Variants in CTSC observed in about 807,000 individuals in gnomAD.
CTSC encodes the protein dipeptidyl peptidase 1.
In CTSC, 37 loss-of-function variants were observed where a neutral mutation model predicts 40.9. The ratio of observed to expected loss-of-function variants is 0.91; its 90% CI spans 0.70 to 1.19. The LOEUF is 1.19. Among genes scored for constraint, CTSC ranks in the 50% most tolerant of loss-of-function variants. CTSC has a pLI of 0.00. For missense variants in CTSC, 594 were observed against 567.3 expected (o/e 1.05, Z -0.48); for synonymous variants, 232 against 207.4 (o/e 1.12, Z -1.02).
chr11:88,325,726 A>G, intron 2 of CTSC: 1 of 985,416 alleles, frequency 1.0e-6, no homozygotes, highest in East Asian at 1.1e-4. Flanking sequence ...GGTGTTTACG[A>G]TACCATCTTT....
chr11:88,336,238 TAAAAAAAAAAAA>T (rs3079112), intron 1 of CTSC, among the ~76,000 whole-genome samples: 1 of 127,194 alleles, frequency 7.9e-6, no homozygotes, highest in African/African-American at 3.0e-5. Flanking sequence ...AACTCAAATT[TAAAAAAAAAAAA>T]AAAAAAAAGG....
At chr11:88,326,436 T>C (rs145385300) in intron 2 of CTSC, 3 of 1,610,926 alleles carry the variant, frequency 1.9e-6, no homozygotes, top group East Asian at 2.2e-5. Context: ...AGATGCTCTA[T>C]TTAATAACTA....
intron 4 of CTSC, 147 bp downstream of exon 4, chr11:88,309,016 G>A: frequency 2.8e-6 from 2 of 707,620 alleles, no homozygotes; most frequent in South Asian, 3.2e-5. Flanking sequence ...TGTATCAATA[G>A]GAGATAAAGA....
At chr11:88,322,827 T>G (rs995658646) in intron 2 of CTSC, 7 of 152,184 alleles carry the variant, frequency 4.6e-5, no homozygotes, top group African/African-American at 1.7e-4. Flanking sequence ...TACAGTTGAA[T>G]TCTACCAGAG....
At chr11:88,336,235 AT>A (rs200211001) in intron 1 of CTSC, among the ~76,000 whole-genome samples, 1 of 80,174 alleles carries the variant, frequency 1.2e-5, no homozygotes, top group African/African-American at 5.0e-5. Context: ...TCAAACTCAA[AT>A]TTAAAAAAAA....
At chr11:88,324,297 A>T (rs1591238335) in intron 2 of CTSC, 1 of 833,286 alleles carries the variant, frequency 1.2e-6, no homozygotes, top group South Asian at 5.5e-5. Flanking sequence ...AAACAATAAA[A>T]CACCCTAGAA....
chr11:88,324,465 T>C, intron 2 of CTSC: 1 of 980,610 alleles, frequency 1.0e-6, no homozygotes, highest in Non-Finnish European at 1.2e-6. Context: ...AAAAGATGTA[T>C]ATGGCACCAT....
At position 88,295,301 on chromosome 11, in the gene CTSC, T is replaced by C. The variant is rs186369074; in HGVS notation, c.890-793A>G. Among the ~76,000 whole-genome samples, 978 of 152,268 alleles carry C rather than the reference T, an allele frequency of 6.4e-3. 18 individuals are homozygous for C. The highest frequency in any genetic ancestry group is 5.5e-3 in the Non-Finnish European group (375 of 68,038). On this transcript the variant is annotated intron_variant, in intron 6 of 6. Coordinates refer to ENST00000227266, the MANE Select transcript of CTSC (RefSeq NM_001814.6). ...GGGCTTGAAAGCATAAACTTTAAAA[T>C]GGTAACGTTTCTCCCTCAATCAATT...
At chr11:88,335,110 A>G in intron 1 of CTSC, 28 bp from the exon 2 acceptor site, 1 of 1,466,440 alleles carries the variant, frequency 6.8e-7, no homozygotes, top group Non-Finnish European at 9.5e-7. Context: ...AAGCACAATA[A>G]AGGAAAATTA....
Position 88,335,001 on chromosome 11 carries a change from G to C in CTSC, c.254C>G (p.Thr85Ser), listed in dbSNP as rs1178508202. The C allele has an allele frequency of 6.2e-7, 1 of 1,610,050 alleles. No homozygotes were observed. Among genetic ancestry groups the C allele is most frequent in the Non-Finnish European group, 8.5e-7 (1 of 1,176,564 alleles). The change falls in exon 2 of 7, where the codon ACC becomes AGC. Residue 85 changes from threonine (T) to serine (S), a missense_variant. By Grantham distance (58) the Thr-to-Ser change is moderately conservative (BLOSUM62 1). Transcript: ENST00000227266. ...CTCAAAGCCTTGGTTGTAAATGATG[G>C]TGAAATGGCCAGAATTGCCAAGGTC... ...YDDLGNSGHF[T>S]IIYNQGFEIV...
rs193201097 is a variant in CTSC at position 88,302,203 on chromosome 11, G to A, written c.642-1558C>T. The stretch of plus-strand genomic sequence containing the variant: ...TGTTCTAGTTTTTCAGTGGTTACCA[G>A]ATGTTTTTTACTAGGCTAAAATTTA... On this transcript the variant is annotated intron_variant, in intron 4 of 6. Coordinates refer to ENST00000227266, the MANE Select transcript of CTSC (RefSeq NM_001814.6). Among the ~76,000 whole-genome samples, 254 of 152,272 alleles carry A rather than the reference G, an allele frequency of 1.7e-3. 1 individual carries two copies. The highest frequency in any genetic ancestry group is 5.7e-3 in the African/African-American group (237 of 41,554).
chr11:88,334,947 G>T lies in CTSC; in HGVS notation c.308C>A (p.Ala103Asp), dbSNP rs769892343. The change falls in exon 2 of 7, where the codon GCC becomes GAC. Residue 103 changes from alanine to aspartate, a missense_variant. Physicochemically the swap from Ala to Asp is moderately radical, Grantham distance 126. Transcript: ENST00000227266. ...TCCAACAAAACTAACCTTAAAAAAGGCAAACCACTTGTAGTCATTCAACAC... is the reference window on the plus strand; with the variant it reads ...TCCAACAAAACTAACCTTAAAAAAGTCAAACCACTTGTAGTCATTCAACAC... Reference protein sequence around the residue: ...EIVLNDYKWFAFFKYKEEGSK... With the variant: ...EIVLNDYKWFDFFKYKEEGSK... 1 of 1,611,982 alleles carries T rather than the reference G, an allele frequency of 6.2e-7. No individual in the cohort carries two copies. The highest frequency in any genetic ancestry group is 2.2e-5 in the East Asian group (1 of 44,836).
At chr11:88,307,315 C>T (rs1018169949) in intron 4 of CTSC, among the ~76,000 whole-genome samples, 2 of 152,156 alleles carry the variant, frequency 1.3e-5, no homozygotes, top group Non-Finnish European at 1.5e-5. Flanking sequence ...TATGGCATTA[C>T]AGGACTTATC....
At chr11:88,307,964 AT>A (rs1018543085) in intron 4 of CTSC, among the ~76,000 whole-genome samples, 2 of 152,182 alleles carry the variant, frequency 1.3e-5, no homozygotes, top group African/African-American at 4.8e-5. Flanking sequence ...GAGTTTTATT[AT>A]TACTCAAATC....
At chr11:88,336,887 T>C (rs1156840246) in intron 1 of CTSC, among the ~76,000 whole-genome samples, 3 of 152,222 alleles carry the variant, frequency 2.0e-5, no homozygotes, top group African/African-American at 7.2e-5. Context: ...GTGCAGACTC[T>C]GGGCATTTCT....
chr11:88,313,940 T>C (rs1370066696), intron 2 of CTSC, among the ~76,000 whole-genome samples: 1 of 152,186 alleles, frequency 6.6e-6, no homozygotes, highest in Non-Finnish European at 1.5e-5. Context: ...TGTTCAACTC[T>C]GCCCTTGTAG....
chr11:88,335,600 T>C (rs529178842), intron 1 of CTSC, among the ~76,000 whole-genome samples: 59 of 152,236 alleles, frequency 3.9e-4, no homozygotes, highest in African/African-American at 1.4e-3. Context: ...AGATATGCTA[T>C]GCAGCCCAGC....
chr11:88,337,392 G>T, intron 1 of CTSC, 109 bp downstream of exon 1: 1 of 1,144,348 alleles, frequency 8.7e-7, no homozygotes, highest in Non-Finnish European at 1.3e-6. Context: ...AAGATGCTCT[G>T]GCCACCCACA....
chr11:88,293,912 T>G lies in CTSC; in HGVS notation c.*94A>C. 1 of 1,380,774 alleles carries G rather than the reference T, an allele frequency of 7.2e-7. No individual in the cohort carries two copies. Among genetic ancestry groups the G allele is most frequent in the Non-Finnish European group, 1.0e-6 (1 of 978,478 alleles). The allele number at this position is 1,380,774 out of a possible 1,614,324, so 85.5% of individuals were successfully genotyped here. On this transcript the variant is annotated 3_prime_UTR_variant, in exon 7 of 7. Coordinates refer to ENST00000227266, the MANE Select transcript of CTSC (RefSeq NM_001814.6). ...TCTTCATGGAAATCTATTTGTAAGCTTCTGAGATTGCTGCTGAAAGTCTAC... is the reference window on the plus strand; with the variant it reads ...TCTTCATGGAAATCTATTTGTAAGCGTCTGAGATTGCTGCTGAAAGTCTAC...
Sources: allele counts gnomAD v4.1 joint callset (sites outside exome capture counted in the v4.1 genomes callset), GRCh38; gene constraint gnomAD v4.1.1; transcripts MANE v1.5; gene names NCBI Gene and HGNC (gene_info 2026-07-23, HGNC 2026-07-21).